The following SMG6 variants were observed in gnomAD, a reference collection of about 807,000 sequenced individuals.
SMG6 encodes the protein telomerase-binding protein EST1A.
A neutral mutation model predicts 142.2 loss-of-function variants in SMG6; 66 were observed. The ratio of observed to expected loss-of-function variants is 0.46; its 90% CI spans 0.38 to 0.57. The LOEUF is 0.57. Ranked by LOEUF, SMG6 falls within the 20% of genes least tolerant of loss-of-function variation. The probability of loss-of-function intolerance (pLI) is 0.00; values close to 1 mark genes in which losing one functional copy is unlikely to be tolerated. For synonymous variants in SMG6, 779 were observed against 702.4 expected (o/e 1.11, Z -1.72); for missense variants, 1,793 against 1,832.0 (o/e 0.98, Z 0.39).
Position 2,125,240 on chromosome 17 carries a change from G to A in SMG6, c.3358-39339C>T, listed in dbSNP as rs147439694. Among the ~76,000 whole-genome samples, 242 of 152,238 alleles carry A rather than the reference G, an allele frequency of 1.6e-3. 1 individual carries two copies. Among genetic ancestry groups the A allele is most frequent in the Middle Eastern group, 0.01 (3 of 294 alleles). ...AGACTTGTAGCCCTCTCATATCTCCGAGACAGAGATAACCTGGAGGGACCG... is the reference window on the plus strand; with the variant it reads ...AGACTTGTAGCCCTCTCATATCTCCAAGACAGAGATAACCTGGAGGGACCG... On this transcript the variant is annotated intron_variant, in intron 13 of 18. Coordinates refer to ENST00000263073, the MANE Select transcript of SMG6 (RefSeq NM_017575.5).
At chr17:2,248,347 A>C in intron 8 of SMG6, among the ~76,000 whole-genome samples, 1 of 152,300 alleles carries the variant, frequency 6.6e-6, no homozygotes, top group East Asian at 1.9e-4. Context: ...GCAACTAAGA[A>C]GCCGTTCAAG....
intron 13 of SMG6, among the ~76,000 whole-genome samples, chr17:2,143,199 A>G (rs1275425440): frequency 6.6e-6 from 1 of 152,232 alleles, no homozygotes; most frequent in African/African-American, 2.4e-5. Flanking sequence ...ACAGTTTACC[A>G]TATGACCAAA....
intron 10 of SMG6, among the ~76,000 whole-genome samples, chr17:2,202,195 A>T (rs1261743783): frequency 6.6e-6 from 1 of 152,250 alleles, no homozygotes; most frequent in Non-Finnish European, 1.5e-5. Context: ...GTGAATGGAT[A>T]AATAAATTGT....
chr17:2,106,246 A>C (rs2069151966), intron 13 of SMG6, among the ~76,000 whole-genome samples: 1 of 152,122 alleles, frequency 6.6e-6, no homozygotes, highest in South Asian at 2.1e-4. Context: ...TACTAAGGGA[A>C]GTTTCTTCAA....
intron 13 of SMG6, among the ~76,000 whole-genome samples, chr17:2,145,022 T>A (rs1195468544): frequency 6.6e-6 from 1 of 152,228 alleles, no homozygotes; most frequent in Non-Finnish European, 1.5e-5. Context: ...AAATCTTTTG[T>A]TCATTTAGTT....
intron 10 of SMG6, among the ~76,000 whole-genome samples, chr17:2,222,196 T>C (rs1202710192): frequency 6.6e-6 from 1 of 151,864 alleles, no homozygotes; most frequent in Non-Finnish European, 1.5e-5. Flanking sequence ...TAGAGGAAAA[T>C]AAATAATAAA....
intron 8 of SMG6, among the ~76,000 whole-genome samples, chr17:2,258,314 G>T (rs1333097538): frequency 6.6e-6 from 1 of 152,038 alleles, no homozygotes; most frequent in Non-Finnish European, 1.5e-5. Context: ...CCAGCACTTT[G>T]GGAGGCTGAC....
chr17:2,270,520 A>C lies in SMG6; in HGVS notation c.2661+12127T>G, dbSNP rs1027038172. Among the ~76,000 whole-genome samples the C allele has an allele frequency of 3.3e-5, 5 of 152,254 alleles. No individual in the cohort carries two copies. The South Asian group carries it at 6.2e-4, about 19-fold the overall frequency. On this transcript the variant is annotated intron_variant, in intron 8 of 18. Coordinates refer to ENST00000263073, the MANE Select transcript of SMG6 (RefSeq NM_017575.5). ...CTACTCAGGAGGCTGAGGCAGGAAG[A>C]CCACTTGAGCCTGGGAGATGGAGGC... is the stretch of plus-strand genomic sequence containing the variant.
intron 10 of SMG6, 129 bp downstream of exon 10, chr17:2,236,363 A>AG: frequency 4.1e-6 from 3 of 734,260 alleles, no homozygotes; most frequent in Non-Finnish European, 6.3e-6. Flanking sequence ...TAGGAAGCGT[A>AG]GGGTAGGGTG....
chr17:2,276,874 C>T (rs139865810), intron 8 of SMG6, among the ~76,000 whole-genome samples: 2,020 of 152,164 alleles, frequency 0.013, 39 homozygotes, highest in African/African-American at 0.045. Context: ...CTCCACCTCC[C>T]GGGTTCAAGT....
At chr17:2,275,436 T>C (rs1408919931) in intron 8 of SMG6, among the ~76,000 whole-genome samples, 1 of 151,802 alleles carries the variant, frequency 6.6e-6, no homozygotes, top group Admixed American at 6.6e-5. Flanking sequence ...CAAAACAAAA[T>C]TAAAATAAGT....
Position 2,186,652 on chromosome 17 carries a change from G to A in SMG6, c.3155+11C>T, listed in dbSNP as rs200118782. 555 of 1,614,042 alleles carry A rather than the reference G, an allele frequency of 3.4e-4. 3 individuals carry two copies. The highest frequency in any genetic ancestry group is 1.0e-3 in the East Asian group (47 of 44,882). On this transcript the variant is annotated intron_variant, in intron 12 of 18. Coordinates refer to ENST00000263073, the MANE Select transcript of SMG6 (RefSeq NM_017575.5). ...GCCAGTGGTGCTGAAGCAATGGGCA[G>A]GTCAACTCACTGCGAGGGCAGATCC...
At chr17:2,069,137 G>A (rs1262054627) in intron 15 of SMG6, among the ~76,000 whole-genome samples, 2 of 152,174 alleles carry the variant, frequency 1.3e-5, no homozygotes, top group Non-Finnish European at 2.9e-5. Context: ...GGGGCCCAGG[G>A]AATGGCATGG....
At chr17:2,103,394 T>C (rs2069065648) in intron 13 of SMG6, among the ~76,000 whole-genome samples, 1 of 152,222 alleles carries the variant, frequency 6.6e-6, no homozygotes, top group African/African-American at 2.4e-5. Flanking sequence ...TACTCTCATA[T>C]GATAAGCCAC....
intron 13 of SMG6, among the ~76,000 whole-genome samples, chr17:2,148,915 G>A (rs1187164504): frequency 6.6e-6 from 1 of 151,934 alleles, no homozygotes; most frequent in Non-Finnish European, 1.5e-5. Context: ...CAGGGGCTGT[G>A]GGGAGGGAGG....
chr17:2,257,147 G>A (rs921445002), intron 8 of SMG6, among the ~76,000 whole-genome samples: 9 of 150,714 alleles, frequency 6.0e-5, no homozygotes, highest in East Asian at 3.9e-4. Context: ...GTGCAGTGGC[G>A]TGATCTCGGC....
chr17:2,247,819 C>T (rs1002048186), intron 8 of SMG6, among the ~76,000 whole-genome samples: 1 of 151,946 alleles, frequency 6.6e-6, no homozygotes, highest in Non-Finnish European at 1.5e-5. Flanking sequence ...ACAGGCCAGG[C>T]ATGGTGGCTT....
intron 16 of SMG6, among the ~76,000 whole-genome samples, chr17:2,067,089 G>C (rs2067973592): frequency 6.6e-6 from 1 of 152,218 alleles, no homozygotes; most frequent in Non-Finnish European, 1.5e-5. Flanking sequence ...GCCCAGCTGA[G>C]GCAGGTCCAG....
intron 1 of SMG6, 143 bp downstream of exon 1, chr17:2,303,490 G>C: frequency 1.1e-5 from 15 of 1,329,426 alleles, no homozygotes; most frequent in Non-Finnish European, 1.4e-5. Context: ...AGGGCAGCGA[G>C]GGTCCGCCGC....
Sources: gnomAD v4.1 joint callset for allele counts (sites outside exome capture counted in the v4.1 genomes callset) on GRCh38, gnomAD v4.1.1 for gene constraint, MANE v1.5 for transcripts, NCBI Gene and HGNC (gene_info 2026-07-23, HGNC 2026-07-21) for gene names.